The following CTDSPL variants were observed in gnomAD, a reference collection of about 807,000 sequenced individuals.
CTDSPL encodes CTD small phosphatase-like protein.
Under a neutral mutation model 30.5 loss-of-function variants are expected in CTDSPL, and 8 were observed. That is an observed-to-expected ratio of 0.26 (90% CI 0.15 to 0.47). The LOEUF (loss-of-function observed/expected upper bound fraction) is 0.47. Ranked by LOEUF, CTDSPL falls within the 20% of genes least tolerant of loss-of-function variation. The pLI, the probability that CTDSPL is intolerant of heterozygous loss-of-function variation, is 0.99. For synonymous variants in CTDSPL, 110 were observed against 137.9 expected, an observed-to-expected ratio of 0.80 and a Z score of 1.42; for missense variants, 248 against 366.1, an observed-to-expected ratio of 0.68 and a Z score of 2.63.
chr3:37,957,059 A>G (rs372976094), intron 2 of CTDSPL, 52 bp from the exon 3 acceptor site: 133 of 1,486,080 alleles, frequency 8.9e-5, no homozygotes, highest in Non-Finnish European at 1.2e-4. Context: ...TCTTTTGAGA[A>G]TATGATCTTC....
chr3:37,952,634 C>G (rs1358131526), intron 2 of CTDSPL, among the ~76,000 whole-genome samples: 1 of 152,200 alleles, frequency 6.6e-6, no homozygotes. Context: ...TCATTTCTAT[C>G]TGATGACAGG....
chr3:37,862,254 C>T lies in CTDSPL; in HGVS notation c.55C>T (p.Arg19Trp). The T allele has an allele frequency of 6.7e-7, 1 of 1,494,482 alleles. No homozygotes were observed. Among genetic ancestry groups the T allele is most frequent in the Admixed American group, 2.2e-5 (1 of 45,540 alleles). The allele number at this position is 1,494,482 out of a possible 1,614,324, so 92.6% of individuals were successfully genotyped here. The stretch of plus-strand genomic sequence containing the variant: ...GACCAACCCCAAGGAGGACGAGGGC[C>T]GGTTGCCGGGCGCGGGCGAGAAAGG... ...QVTNPKEDEG[R>W]LPGAGEKASQ... Residue 19 changes from arginine (R) to tryptophan (W), a missense_variant, in exon 1 of 8, where the codon CGG becomes TGG. Transcript: ENST00000273179. The surrounding 1 kb of genome is among the most constrained non-coding windows in gnomAD (Gnocchi z 4.3).
chr3:37,959,986 T>C (rs974030559), intron 3 of CTDSPL, among the ~76,000 whole-genome samples: 1 of 152,092 alleles, frequency 6.6e-6, no homozygotes, highest in Non-Finnish European at 1.5e-5. Context: ...GGCAGATGGC[T>C]TCAGCTCAGA....
At chr3:37,958,930 A>T (rs535314413) in intron 3 of CTDSPL, among the ~76,000 whole-genome samples, 1 of 152,320 alleles carries the variant, frequency 6.6e-6, no homozygotes, top group Non-Finnish European at 1.5e-5. Flanking sequence ...TCTGGAATCA[A>T]GTCTTGGGAG....
intron 1 of CTDSPL, among the ~76,000 whole-genome samples, chr3:37,920,797 ACTTGCTGTAT>A (rs1698703997): frequency 6.6e-6 from 1 of 152,104 alleles, no homozygotes; most frequent in African/African-American, 2.4e-5. Context: ...GATGCATTTC[ACTTGCTGTAT>A]AGCATGAGGC....
At chr3:37,949,988 T>C (rs1559642135) in intron 2 of CTDSPL, among the ~76,000 whole-genome samples, 2 of 152,222 alleles carry the variant, frequency 1.3e-5, no homozygotes, top group African/African-American at 2.4e-5. Context: ...CACTCGAATG[T>C]ATAGTCCCAT....
intron 1 of CTDSPL, among the ~76,000 whole-genome samples, chr3:37,942,457 G>A (rs1003981622): frequency 1.3e-5 from 2 of 150,360 alleles, no homozygotes; most frequent in African/African-American, 2.4e-5. Context: ...TGCCTGAGTA[G>A]CATGACAAGA....
At chr3:37,951,931 G>A (rs1005219932) in intron 2 of CTDSPL, among the ~76,000 whole-genome samples, 2 of 152,162 alleles carry the variant, frequency 1.3e-5, no homozygotes, top group African/African-American at 2.4e-5. Context: ...CAAAGACCAA[G>A]ACTACATCAG....
At chr3:37,969,486 T>G (rs1559647956) in intron 5 of CTDSPL, 2 of 486,232 alleles carry the variant, frequency 4.1e-6, no homozygotes, top group South Asian at 3.1e-5. Flanking sequence ...GACGCGGGCC[T>G]GGACGCCGGC....
intron 1 of CTDSPL, among the ~76,000 whole-genome samples, chr3:37,925,210 A>G (rs1698767803): frequency 6.6e-6 from 1 of 151,988 alleles, no homozygotes. Flanking sequence ...ACCCCTCTGA[A>G]TATTTGCCTG....
chr3:37,911,306 G>C (rs774894547), intron 1 of CTDSPL, among the ~76,000 whole-genome samples: 1 of 152,144 alleles, frequency 6.6e-6, no homozygotes, highest in African/African-American at 2.4e-5. Context: ...GTACTCTTCA[G>C]GTTTTACAAA....
intron 2 of CTDSPL, among the ~76,000 whole-genome samples, chr3:37,955,816 C>G (rs1380619641): frequency 6.6e-6 from 1 of 151,234 alleles, no homozygotes; most frequent in Non-Finnish European, 1.5e-5. Flanking sequence ...TATAACAAAC[C>G]TGCACATGTA....
chr3:37,946,853 A>G (rs528100287), intron 1 of CTDSPL, among the ~76,000 whole-genome samples: 1 of 152,286 alleles, frequency 6.6e-6, no homozygotes, highest in South Asian at 2.1e-4. Context: ...GACTCCATCA[A>G]CTAGCTGGCT....
chr3:37,918,941 G>T (rs902534055), intron 1 of CTDSPL, among the ~76,000 whole-genome samples: 2 of 152,044 alleles, frequency 1.3e-5, no homozygotes, highest in African/African-American at 4.8e-5. Context: ...GCCTTTAATT[G>T]TAATAGAATT....
At chr3:37,954,717 G>A (rs900823762) in intron 2 of CTDSPL, 1 of 152,276 alleles carries the variant, frequency 6.6e-6, no homozygotes, top group Non-Finnish European at 1.5e-5. Context: ...AGCGGCTTGG[G>A]TTAGCAGCCA....
At chr3:37,873,190 C>A (rs952434659) in intron 1 of CTDSPL, among the ~76,000 whole-genome samples, 1 of 152,216 alleles carries the variant, frequency 6.6e-6, no homozygotes, top group Non-Finnish European at 1.5e-5. Flanking sequence ...TGCCTCATTA[C>A]ACCCTATGAG....
intron 1 of CTDSPL, among the ~76,000 whole-genome samples, chr3:37,870,737 C>T (rs1321681827): frequency 6.6e-6 from 1 of 152,136 alleles, no homozygotes; most frequent in African/African-American, 2.4e-5. Flanking sequence ...CTGTGTCCCA[C>T]GAATTTTGAT....
chr3:37,971,932 G>A (rs918159361), intron 6 of CTDSPL, among the ~76,000 whole-genome samples: 4 of 152,186 alleles, frequency 2.6e-5, no homozygotes, highest in Non-Finnish European at 1.5e-5. Context: ...CACATGCTTG[G>A]GCTGAATGAG....
rs771161507 is a variant in CTDSPL, at chr3:37,944,147, T to TC, written c.80-2902dup. On this transcript the variant is annotated intron_variant, in intron 1 of 7. Transcript: ENST00000273179. ...AAGACAGTTTAACAAGACTGTTTAC[T>TC]CCCCCCCCATTATTAGAGCAATACA... 1.5e-3 allele frequency among the ~76,000 whole-genome samples: 226 copies of TC among 149,356 alleles called. 10 individuals carry two copies. Among genetic ancestry groups the TC allele is most frequent in the Middle Eastern group, 3.5e-3 (1 of 282 alleles).
Sources: gnomAD v4.1 joint callset for allele counts (sites outside exome capture counted in the v4.1 genomes callset) on GRCh38, gnomAD v4.1.1 for gene constraint, Gnocchi (gnomAD v3.1) non-coding constraint, MANE v1.5 for transcripts, NCBI Gene and HGNC (gene_info 2026-07-23, HGNC 2026-07-21) for gene names.